Variants in SCTR observed in about 807,000 individuals in gnomAD.
SCTR encodes the protein secretin receptor.
SCTR carries 56 observed loss-of-function variants against 60.8 expected under a neutral mutation model. That is an observed-to-expected ratio of 0.92 (90% CI 0.74 to 1.15). The LOEUF (loss-of-function observed/expected upper bound fraction) is 1.15. Ranked by LOEUF, SCTR falls within the 50% of genes most tolerant of loss-of-function variation. The pLI, the probability that SCTR is intolerant of heterozygous loss-of-function variation, is 0.00. For synonymous variants in SCTR, 202 were observed against 217.0 expected (o/e 0.93, Z 0.61); for missense variants, 562 against 550.4 (o/e 1.02, Z -0.21).
chr2:119,517,352 G>A (rs1679147057), intron 1 of SCTR, among the ~76,000 whole-genome samples: 1 of 152,066 alleles, frequency 6.6e-6, no homozygotes, highest in African/African-American at 2.4e-5. Context: ...GTAGAGACAA[G>A]GTCTCCTATG....
chr2:119,452,844 C>T (rs1212913614), intron 8 of SCTR, among the ~76,000 whole-genome samples: 2 of 152,128 alleles, frequency 1.3e-5, no homozygotes, highest in Admixed American at 6.5e-5. Context: ...CTCCCAGGTG[C>T]GTCCCCTGGG....
At chr2:119,464,396 C>T in intron 5 of SCTR, 141 bp from the exon 6 acceptor site, 3 of 768,124 alleles carry the variant, frequency 3.9e-6, no homozygotes, top group East Asian at 2.7e-5. Flanking sequence ...GTGAGCATAA[C>T]CTGAATGAGG....
intron 2 of SCTR, among the ~76,000 whole-genome samples, chr2:119,488,017 C>G (rs1325895505): frequency 6.6e-6 from 1 of 152,178 alleles, no homozygotes; most frequent in Non-Finnish European, 1.5e-5. Flanking sequence ...GATTTTTCCT[C>G]AGACATCACA....
At chr2:119,464,857 A>G (rs1203448683) in intron 5 of SCTR, among the ~76,000 whole-genome samples, 2 of 152,198 alleles carry the variant, frequency 1.3e-5, no homozygotes, top group African/African-American at 2.4e-5. Context: ...GGAGAGGGCT[A>G]GGGGCACAGA....
At chr2:119,460,031 G>A (rs553524937) in intron 7 of SCTR, among the ~76,000 whole-genome samples, 1 of 151,918 alleles carries the variant, frequency 6.6e-6, no homozygotes, top group African/African-American at 2.4e-5. Flanking sequence ...GCAACCTCCC[G>A]ATGGCCCGGG....
chr2:119,512,821 C>T lies in SCTR; in HGVS notation c.72+11334G>A, dbSNP rs373445397. Among the ~76,000 whole-genome samples the T allele has an allele frequency of 2.1e-3, 327 of 152,302 alleles. 2 individuals are homozygous for T. Among genetic ancestry groups the T allele is most frequent in the African/African-American group, 6.5e-3 (269 of 41,570 alleles). ...CTCTGAGATGATTCCTTTTCTATAG[C>T]ATCCTTTTCTAGTTTTGTGGCTCAG... On this transcript the variant is annotated intron_variant, in intron 1 of 12. Transcript: ENST00000019103.
chr2:119,450,082 TAAA>T (rs1457660545), intron 9 of SCTR, among the ~76,000 whole-genome samples: 1 of 95,802 alleles, frequency 1.0e-5, no homozygotes, highest in Admixed American at 1.0e-4. Context: ...GAAAGAAAAA[TAAA>T]TAAATAAATA....
chr2:119,440,370 T>G lies in SCTR; in HGVS notation c.1183-113A>C, dbSNP rs1029713054. On this transcript the variant is annotated intron_variant, in intron 12 of 12. Transcript: ENST00000019103. Reference sequence around the variant, plus strand: ...CCCTGCCACTCCTGCCCAGCTGCCCTGTCCCCTAGCCTGCAGGCCACGCAG... The same window carrying G: ...CCCTGCCACTCCTGCCCAGCTGCCCGGTCCCCTAGCCTGCAGGCCACGCAG... 7 of 1,252,716 alleles carry G rather than the reference T, an allele frequency of 5.6e-6. No homozygotes were observed. The African/African-American group carries it at 1.0e-4, about 19-fold the overall frequency. 77.6% of individuals were successfully genotyped at this position (1,252,716 alleles called of 1,614,324 possible). A position where few individuals can be genotyped will look rare whatever the true frequency, so the allele number is the denominator to read the frequency against.
intron 2 of SCTR, chr2:119,480,683 A>T (rs1285816648): frequency 6.6e-6 from 1 of 152,192 alleles, no homozygotes; most frequent in African/African-American, 2.4e-5. Context: ...TCACATAACA[A>T]CTCACCAATT....
At position 119,502,378 on chromosome 2, in the gene SCTR, G is replaced by T. The variant is rs558031850; in HGVS notation, c.73-7830C>A. On this transcript the variant is annotated intron_variant, in intron 1 of 12. Transcript: ENST00000019103. ...ATAATGCTGATAAAAGGAATCAGAA[G>T]TCTAAATAAATGAAGAGACATACCA... Among the ~76,000 whole-genome samples the T allele has an allele frequency of 1.6e-4, 25 of 152,338 alleles. No individual in the cohort carries two copies. The South Asian group carries it at 5.0e-3, about 30-fold the overall frequency.
intron 3 of SCTR, among the ~76,000 whole-genome samples, chr2:119,476,079 T>G (rs977742561): frequency 7.9e-5 from 12 of 152,158 alleles, no homozygotes; most frequent in African/African-American, 2.7e-4. Flanking sequence ...ATGTAGTAGG[T>G]GCCCTCAAGG....
chr2:119,461,766 C>A (rs1683613345), intron 7 of SCTR, 81 bp downstream of exon 7: 28 of 883,076 alleles, frequency 3.2e-5, no homozygotes, highest in Non-Finnish European at 3.3e-5. Flanking sequence ...GGAGCTGGAA[C>A]TAAAAGCCGA....
At chr2:119,482,076 G>C (rs1355208689) in intron 2 of SCTR, among the ~76,000 whole-genome samples, 1 of 152,202 alleles carries the variant, frequency 6.6e-6, no homozygotes, top group African/African-American at 2.4e-5. Flanking sequence ...GGACATGGAG[G>C]GGATGAAAGC....
intron 11 of SCTR, among the ~76,000 whole-genome samples, chr2:119,446,253 G>A (rs1341344665): frequency 6.6e-6 from 1 of 152,056 alleles, no homozygotes; most frequent in Non-Finnish European, 1.5e-5. Context: ...TTCCTCACAT[G>A]CGACTGCTCC....
At chr2:119,445,594 G>A (rs1278847973) in intron 11 of SCTR, among the ~76,000 whole-genome samples, 2 of 152,186 alleles carry the variant, frequency 1.3e-5, no homozygotes, top group African/African-American at 2.4e-5. Flanking sequence ...CTCGCAGGCC[G>A]AGGCCACCCC....
intron 1 of SCTR, among the ~76,000 whole-genome samples, chr2:119,519,810 C>CAAA (rs71396064): frequency 1.9e-4 from 11 of 58,170 alleles, no homozygotes; most frequent in Admixed American, 2.1e-4. Context: ...GACTCTGTCT[C>CAAA]AAAAAAAAAA....
intron 1 of SCTR, among the ~76,000 whole-genome samples, chr2:119,501,212 C>A (rs1009273570): frequency 2.0e-4 from 31 of 152,020 alleles, no homozygotes; most frequent in African/African-American, 7.2e-4. Flanking sequence ...AGATCGAGAC[C>A]ATCCTGGCTA....
rs573845429 is a variant in SCTR, at chr2:119,473,669, A to G, written c.302-113T>C. On this transcript the variant is annotated intron_variant, in intron 3 of 12. Coordinates refer to ENST00000019103, the MANE Select transcript of SCTR (RefSeq NM_002980.3). ...CAACCACTCTATAGTGTGGAAACTG[A>G]GGCACACAGCAGTTCCAGAACTTGC... The G allele has an allele frequency of 5.9e-5, 42 of 716,774 alleles. No homozygotes were observed. In the African/African-American group the frequency reaches 7.2e-4, roughly 12 times the overall value. The allele number at this position is 716,774 out of a possible 1,614,324, so 44.4% of individuals were successfully genotyped here.
chr2:119,506,776 T>C (rs1678753880), intron 1 of SCTR, among the ~76,000 whole-genome samples: 1 of 152,162 alleles, frequency 6.6e-6, no homozygotes, highest in Admixed American at 6.6e-5. Flanking sequence ...ATGTCTGGCC[T>C]ATATAATGCT....
Sources: allele counts gnomAD v4.1 joint callset (sites outside exome capture counted in the v4.1 genomes callset), GRCh38; gene constraint gnomAD v4.1.1; transcripts MANE v1.5; gene names NCBI Gene and HGNC (gene_info 2026-07-23, HGNC 2026-07-21).